MBNL2: variants seen among roughly 807,000 people sequenced by gnomAD.
MBNL2 encodes the protein muscleblind-like protein 2.
MBNL2 carries 17 observed loss-of-function variants against 41.9 expected under a neutral mutation model. The ratio of observed to expected loss-of-function variants is 0.41; its 90% CI spans 0.28 to 0.61. The LOEUF is 0.61. Ranked by LOEUF, MBNL2 falls within the 20% of genes least tolerant of loss-of-function variation. The pLI is 0.35. For synonymous variants in MBNL2, 195 were observed against 182.9 expected, an observed-to-expected ratio of 1.07 and a Z score of -0.53; for missense variants, 336 against 505.6, an observed-to-expected ratio of 0.66 and a Z score of 3.22.
At chr13:97,222,080 C>G (rs954800992), upstream of MBNL2, among the ~76,000 whole-genome samples, 3 of 152,058 alleles carry the variant, frequency 2.0e-5, no homozygotes, top group Non-Finnish European at 4.4e-5. Flanking sequence ...CTTGAGCTAC[C>G]CCTCTCTCTG....
intron 8 of MBNL2, among the ~76,000 whole-genome samples, chr13:97,386,895 A>G (rs2065965133): frequency 6.6e-6 from 1 of 152,024 alleles, no homozygotes. Context: ...TGCATCAGAG[A>G]TACTCTTGTT....
At chr13:97,318,880 G>A (rs771853895) in intron 2 of MBNL2, among the ~76,000 whole-genome samples, 1 of 152,230 alleles carries the variant, frequency 6.6e-6, no homozygotes, top group Non-Finnish European at 1.5e-5. Context: ...TTTCAATGCT[G>A]TGAGCCTGGG....
chr13:97,324,105 C>G (rs968873514), intron 2 of MBNL2, among the ~76,000 whole-genome samples: 1 of 152,196 alleles, frequency 6.6e-6, no homozygotes, highest in African/African-American at 2.4e-5. Context: ...TTCCTCCCCA[C>G]TCTCAACTAG....
At chr13:97,214,506 A>G in the MBNL2 span, among the ~76,000 whole-genome samples, 2 of 152,222 alleles carry the variant, frequency 1.3e-5, no homozygotes. Flanking sequence ...TGCTCCAGAA[A>G]CAAAAGGAAA....
chr13:97,173,095 G>A, the MBNL2 span, among the ~76,000 whole-genome samples: 7 of 152,180 alleles, frequency 4.6e-5, no homozygotes, highest in Non-Finnish European at 1.0e-4. Flanking sequence ...GTATGTATAT[G>A]TGTGTGTATG....
At chr13:97,358,169 T>C (rs924180402) in intron 7 of MBNL2, among the ~76,000 whole-genome samples, 2 of 152,234 alleles carry the variant, frequency 1.3e-5, no homozygotes, top group African/African-American at 4.8e-5. Context: ...CCTCAGTGTC[T>C]AAGCCAATGC....
intron 1 of MBNL2, among the ~76,000 whole-genome samples, chr13:97,265,509 C>T (rs1054891904): frequency 2.6e-5 from 4 of 152,176 alleles, no homozygotes; most frequent in Admixed American, 6.5e-5. Context: ...CTATCAAGGG[C>T]GTGTCCAACT....
the MBNL2 span, among the ~76,000 whole-genome samples, chr13:97,151,681 A>G: frequency 6.6e-6 from 1 of 152,208 alleles, no homozygotes; most frequent in Non-Finnish European, 1.5e-5. Flanking sequence ...TGATGAAAAT[A>G]GAGAAATTAA....
At chr13:97,166,837 T>TAGATAGATAGATAGATAGAAAGAAAGAA in the MBNL2 span, among the ~76,000 whole-genome samples, 922 of 143,410 alleles carry the variant, frequency 6.4e-3, 4 homozygotes, top group South Asian at 0.013. Context: ...GATAGATAGA[T>TAGATAGATAGATAGATAGAAAGAAAGAA]AGAAAGATAG....
intron 5 of MBNL2, among the ~76,000 whole-genome samples, chr13:97,347,642 T>C (rs2062010946): frequency 2.0e-5 from 3 of 152,210 alleles, no homozygotes; most frequent in African/African-American, 7.2e-5. Flanking sequence ...CAGATGAAAG[T>C]GGAGCCATCC....
chr13:97,269,566 G>A (rs1416099042), intron 1 of MBNL2, among the ~76,000 whole-genome samples: 1 of 152,146 alleles, frequency 6.6e-6, no homozygotes, highest in Non-Finnish European at 1.5e-5. Flanking sequence ...TCCCATTGGT[G>A]CTACCAGAGT....
intron 2 of MBNL2, among the ~76,000 whole-genome samples, chr13:97,300,714 A>G (rs147059694): frequency 3.2e-4 from 49 of 152,272 alleles, no homozygotes; most frequent in African/African-American, 1.1e-3. Flanking sequence ...ACTCTCTTCC[A>G]TGCTAACCAC....
chr13:97,281,287 G>C (rs1043971407), intron 2 of MBNL2, among the ~76,000 whole-genome samples: 1 of 152,104 alleles, frequency 6.6e-6, no homozygotes, highest in Non-Finnish European at 1.5e-5. Context: ...GTTGTGCAGT[G>C]GACAACCTGT....
At chr13:97,263,344 A>T (rs1475838776) in intron 1 of MBNL2, among the ~76,000 whole-genome samples, 2 of 152,038 alleles carry the variant, frequency 1.3e-5, no homozygotes, top group Admixed American at 6.5e-5. Flanking sequence ...TCTTGTCAAG[A>T]TCCTGCCAGT....
chr13:97,376,475 A>G (rs1278034985), intron 8 of MBNL2, among the ~76,000 whole-genome samples: 1 of 152,234 alleles, frequency 6.6e-6, no homozygotes, highest in Non-Finnish European at 1.5e-5. Flanking sequence ...AGAATTCATC[A>G]TGCTTTAGCA....
chr13:97,235,999 ACC>A (rs1467582223), intron 1 of MBNL2, among the ~76,000 whole-genome samples: 1 of 151,978 alleles, frequency 6.6e-6, no homozygotes, highest in Non-Finnish European at 1.5e-5. Flanking sequence ...GTTGGAGCTG[ACC>A]TGCCCTGGCG....
At chr13:97,269,319 G>A (rs1018060088) in intron 1 of MBNL2, among the ~76,000 whole-genome samples, 4 of 152,188 alleles carry the variant, frequency 2.6e-5, no homozygotes, top group African/African-American at 9.7e-5. Context: ...GAAACTTCTG[G>A]GAAAGGCTAA....
chr13:97,289,602 G>C (rs139657264), intron 2 of MBNL2, among the ~76,000 whole-genome samples: 1 of 152,082 alleles, frequency 6.6e-6, no homozygotes, highest in African/African-American at 2.4e-5. Flanking sequence ...CACTTTCTAG[G>C]GAACTTTAAA....
At chr13:97,328,173 C>CTTTTT (rs35671709) in intron 2 of MBNL2, among the ~76,000 whole-genome samples, 9 of 131,792 alleles carry the variant, frequency 6.8e-5, no homozygotes, top group African/African-American at 2.6e-4. Flanking sequence ...TTCCTTAACC[C>CTTTTT]TTTTTTTTTT....
Sources: allele counts gnomAD v4.1 joint callset (sites outside exome capture counted in the v4.1 genomes callset), GRCh38; gene constraint gnomAD v4.1.1; transcripts MANE v1.5; gene names NCBI Gene and HGNC (gene_info 2026-07-23, HGNC 2026-07-21).